COMMD10: variants seen among roughly 807,000 people sequenced by gnomAD.
COMMD10 encodes the protein COMM domain-containing protein 10.
Under a neutral mutation model 28.9 loss-of-function variants are expected in COMMD10, and 33 were observed. The observed-to-expected ratio is 1.14, with a 90% CI of 0.87 to 1.53. The LOEUF is 1.53. Ranked by LOEUF, COMMD10 falls within the 40% of genes most tolerant of loss-of-function variation. COMMD10 has a pLI of 0.00. For missense variants in COMMD10, 310 were observed against 233.4 expected (o/e 1.33, Z -2.14); for synonymous variants, 110 against 81.7 (o/e 1.35, Z -1.87).
In COMMD10 at chr5:116,206,669, A is replaced by G. The variant is rs191805423; in HGVS notation, c.510+72491A>G. Among the ~76,000 whole-genome samples, 744 of 152,222 alleles carry G rather than the reference A, an allele frequency of 4.9e-3. 11 individuals carry two copies. The highest frequency in any genetic ancestry group is 0.017 in the African/African-American group (702 of 41,514). ...CTCCATCTCAAAAAAAGAAAAAAAG[A>G]AAAGAAAAAAATTGGAGACAGCTGT... On this transcript the variant is annotated intron_variant, in intron 5 of 6. Transcript: ENST00000274458.
chr5:116,138,199 T>C (rs567353273), intron 5 of COMMD10, among the ~76,000 whole-genome samples: 1 of 152,012 alleles, frequency 6.6e-6, no homozygotes, highest in African/African-American at 2.4e-5. Context: ...ATCATCATGA[T>C]TTGGCTTTTG....
At chr5:116,242,527 T>A (rs1236686023) in intron 5 of COMMD10, among the ~76,000 whole-genome samples, 1 of 152,178 alleles carries the variant, frequency 6.6e-6, no homozygotes, top group Non-Finnish European at 1.5e-5. Flanking sequence ...AGATTGAGTT[T>A]TTTCTCAAGG....
chr5:116,279,389 G>T (rs1477805580), intron 5 of COMMD10, among the ~76,000 whole-genome samples: 1 of 151,826 alleles, frequency 6.6e-6, no homozygotes, highest in African/African-American at 2.4e-5. Flanking sequence ...GCCTTTTGTT[G>T]TGTATTCCAT....
rs114678235 is a variant in COMMD10 at position 116,190,814 on chromosome 5, T to G, written c.510+56636T>G. On this transcript the variant is annotated intron_variant, in intron 5 of 6. Coordinates refer to ENST00000274458, the MANE Select transcript of COMMD10 (RefSeq NM_016144.4). ...CCTTAAGTTCTATAAAACTTTGAGATAGCTACATGTTTACTTTCAGAATAA... is the reference window on the plus strand; with the variant it reads ...CCTTAAGTTCTATAAAACTTTGAGAGAGCTACATGTTTACTTTCAGAATAA... Among the ~76,000 whole-genome samples the G allele has an allele frequency of 7.5e-3, 1,137 of 152,302 alleles. 20 individuals are homozygous for G. Among genetic ancestry groups the G allele is most frequent in the African/African-American group, 0.026 (1,097 of 41,554 alleles).
chr5:116,241,778 A>G (rs1289721009), intron 5 of COMMD10, among the ~76,000 whole-genome samples: 2 of 151,810 alleles, frequency 1.3e-5, no homozygotes, highest in East Asian at 1.9e-4. Flanking sequence ...ACGCCCAGCT[A>G]ATTTTTTGTA....
intron 5 of COMMD10, among the ~76,000 whole-genome samples, chr5:116,241,575 TCTG>T (rs1179092445): frequency 2.1e-5 from 3 of 142,662 alleles, no homozygotes; most frequent in Non-Finnish European, 4.6e-5. Flanking sequence ...CCTCTTACAC[TCTG>T]CTTTCTTATT....
At chr5:116,245,381 C>T (rs748074251) in intron 5 of COMMD10, among the ~76,000 whole-genome samples, 1 of 151,996 alleles carries the variant, frequency 6.6e-6, no homozygotes, top group African/African-American at 2.4e-5. Flanking sequence ...ATGTCCAGGA[C>T]CAGACGTATT....
intron 5 of COMMD10, among the ~76,000 whole-genome samples, chr5:116,248,269 C>CT (rs1429685366): frequency 2.0e-5 from 3 of 151,888 alleles, no homozygotes; most frequent in African/African-American, 7.2e-5. Context: ...CATAAATTGA[C>CT]TTAAGTGTAG....
At chr5:116,152,889 C>CT (rs1358791414) in intron 5 of COMMD10, among the ~76,000 whole-genome samples, 1 of 151,910 alleles carries the variant, frequency 6.6e-6, no homozygotes, top group Non-Finnish European at 1.5e-5. Context: ...TTTGTGAAAT[C>CT]TTTTTTTGCT....
intron 5 of COMMD10, among the ~76,000 whole-genome samples, chr5:116,253,905 C>G (rs907528810): frequency 6.6e-6 from 1 of 151,246 alleles, no homozygotes; most frequent in Non-Finnish European, 1.5e-5. Context: ...TGGTAGAATT[C>G]GGCTGTGAAT....
At chr5:116,153,466 A>G (rs1007993312) in intron 5 of COMMD10, among the ~76,000 whole-genome samples, 10 of 152,252 alleles carry the variant, frequency 6.6e-5, no homozygotes, top group African/African-American at 2.4e-4. Flanking sequence ...GGGTCTTGAT[A>G]GCTGCAGAGC....
chr5:116,248,269 C>T (rs974294035), intron 5 of COMMD10, among the ~76,000 whole-genome samples: 3 of 151,888 alleles, frequency 2.0e-5, no homozygotes, highest in African/African-American at 7.2e-5. Flanking sequence ...CATAAATTGA[C>T]TTAAGTGTAG....
chr5:116,223,967 G>T (rs1404276629), intron 5 of COMMD10, among the ~76,000 whole-genome samples: 1 of 152,090 alleles, frequency 6.6e-6, no homozygotes, highest in African/African-American at 2.4e-5. Context: ...TAAAAGTAAT[G>T]CATGTGTTTG....
intron 5 of COMMD10, among the ~76,000 whole-genome samples, chr5:116,213,711 T>C (rs1419620879): frequency 6.6e-6 from 1 of 152,064 alleles, no homozygotes; most frequent in Non-Finnish European, 1.5e-5. Context: ...TACCATATAT[T>C]TTTTTATTAG....
intron 5 of COMMD10, among the ~76,000 whole-genome samples, chr5:116,245,668 C>CT (rs1180964951): frequency 6.6e-6 from 1 of 152,072 alleles, no homozygotes; most frequent in African/African-American, 2.4e-5. Context: ...TATCCCTGGG[C>CT]TGCAAGGTCG....
At chr5:116,226,409 T>C (rs1749394567) in intron 5 of COMMD10, among the ~76,000 whole-genome samples, 1 of 126,400 alleles carries the variant, frequency 7.9e-6, no homozygotes, top group African/African-American at 2.6e-5. Flanking sequence ...TTGCACTTTG[T>C]ACTTCCCTTT....
chr5:116,273,673 C>T (rs146563769), intron 5 of COMMD10, among the ~76,000 whole-genome samples: 34 of 151,744 alleles, frequency 2.2e-4, no homozygotes, highest in East Asian at 9.7e-4. Context: ...TCATTTCAGG[C>T]AAAGACCAAT....
At chr5:116,269,280 G>A (rs1180484418) in intron 5 of COMMD10, among the ~76,000 whole-genome samples, 1 of 151,654 alleles carries the variant, frequency 6.6e-6, no homozygotes, top group African/African-American at 2.4e-5. Flanking sequence ...AGTATTTCTA[G>A]AGGAAAGATT....
chr5:116,217,499 A>G (rs1226671671), intron 5 of COMMD10, among the ~76,000 whole-genome samples: 1 of 152,216 alleles, frequency 6.6e-6, no homozygotes, highest in African/African-American at 2.4e-5. Context: ...TGAAAACGGC[A>G]GAATTTATCT....
Sources: gnomAD v4.1 joint callset for allele counts (sites outside exome capture counted in the v4.1 genomes callset) on GRCh38, gnomAD v4.1.1 for gene constraint, MANE v1.5 for transcripts, NCBI Gene and HGNC (gene_info 2026-07-23, HGNC 2026-07-21) for gene names.